TRIML1: variants seen among roughly 807,000 people sequenced by gnomAD.
The protein encoded by TRIML1 is probable E3 ubiquitin-protein ligase TRIML1.
Under a neutral mutation model 32.3 loss-of-function variants are expected in TRIML1, and 34 were observed. The observed-to-expected ratio is 1.05, with a 90% CI of 0.80 to 1.40. The LOEUF (loss-of-function observed/expected upper bound fraction) is 1.40. Ranked by LOEUF, TRIML1 falls within the 40% of genes most tolerant of loss-of-function variation. The pLI is 0.00. For missense variants in TRIML1, 595 were observed against 574.9 expected (o/e 1.03, Z -0.36); for synonymous variants, 244 against 226.6 (o/e 1.08, Z -0.69).
chr4:188,137,802 G>A (rs933453544), upstream of TRIML1, among the ~76,000 whole-genome samples: 6 of 151,808 alleles, frequency 4.0e-5, no homozygotes, highest in East Asian at 1.9e-4. Flanking sequence ...TAGTAGAGAC[G>A]GAGTTTCACC....
At position 188,139,493 on chromosome 4, in the gene TRIML1, G is replaced by C. The variant is rs1036156661; in HGVS notation, c.-66G>C. Reference sequence around the variant, plus strand: ...CGCGTGTTACTCAAAACTGTAGGACGGCAGTGAGGGCTTTGCTAATCCCAG... The same window carrying C: ...CGCGTGTTACTCAAAACTGTAGGACCGCAGTGAGGGCTTTGCTAATCCCAG... On this transcript the variant is annotated 5_prime_UTR_variant, in exon 1 of 6. Transcript: ENST00000332517. The C allele has an allele frequency of 1.1e-5, 17 of 1,480,246 alleles. No individual in the cohort carries two copies. The African/African-American group carries it at 1.8e-4, about 16-fold the overall frequency. 91.7% of individuals were successfully genotyped at this position (1,480,246 alleles called of 1,614,324 possible). A position where few individuals can be genotyped will look rare whatever the true frequency, so the allele number is the denominator to read the frequency against.
downstream of TRIML1, among the ~76,000 whole-genome samples, chr4:188,148,182 A>G (rs1053606484): frequency 1.2e-4 from 19 of 152,088 alleles, no homozygotes; most frequent in Non-Finnish European, 2.8e-4. Flanking sequence ...CAAAGAGCCT[A>G]CCCTCTTCTT....
intron 3 of TRIML1, 60 bp from the exon 4 acceptor site, chr4:188,143,778 A>T: frequency 1.2e-6 from 2 of 1,602,220 alleles, no homozygotes; most frequent in Non-Finnish European, 1.7e-6. Context: ...ATGCAAAATG[A>T]ATTTCGTCTG....
At chr4:188,146,584 A>AT (rs1735088413) in intron 5 of TRIML1, among the ~76,000 whole-genome samples, 2 of 152,054 alleles carry the variant, frequency 1.3e-5, no homozygotes, top group Admixed American at 1.3e-4. Context: ...TATGTTTTGT[A>AT]TTTTTAGTAG....
At chr4:188,137,707 C>T (rs1054653103), upstream of TRIML1, among the ~76,000 whole-genome samples, 2 of 150,792 alleles carry the variant, frequency 1.3e-5, no homozygotes, top group Non-Finnish European at 3.0e-5. Flanking sequence ...GAACTCCCGA[C>T]CTCAAGTGAT....
intron 3 of TRIML1, 104 bp downstream of exon 3, chr4:188,142,586 C>G (rs1264333545): frequency 1.1e-6 from 1 of 914,576 alleles, no homozygotes; most frequent in Non-Finnish European, 1.6e-6. Context: ...AAACTAAGTT[C>G]TGGTCCAAAA....
intron 5 of TRIML1, among the ~76,000 whole-genome samples, chr4:188,146,034 T>A (rs1349448649): frequency 6.6e-6 from 1 of 152,196 alleles, no homozygotes; most frequent in African/African-American, 2.4e-5. Flanking sequence ...CTGAACCTGT[T>A]TTCTTTTTTG....
At chr4:188,139,388 G>T, upstream of TRIML1, 1 of 632,022 alleles carries the variant, frequency 1.6e-6, no homozygotes, top group Non-Finnish European at 2.6e-6. Flanking sequence ...GCTTTGTGTT[G>T]GACAGTGTAT....
At chr4:188,150,134 A>G (rs1158206469), downstream of TRIML1, among the ~76,000 whole-genome samples, 1 of 149,292 alleles carries the variant, frequency 6.7e-6, no homozygotes, top group East Asian at 2.0e-4. Flanking sequence ...AATTATTATT[A>G]TTATTTTTTG....
chr4:188,138,829 C>CAG (rs1734744044), upstream of TRIML1, among the ~76,000 whole-genome samples: 1 of 152,022 alleles, frequency 6.6e-6, no homozygotes, highest in East Asian at 1.9e-4. Flanking sequence ...TCCAAGATGG[C>CAG]AGATGGGTGA....
downstream of TRIML1, among the ~76,000 whole-genome samples, chr4:188,148,941 T>A (rs546268357): frequency 1.1e-4 from 14 of 126,254 alleles, no homozygotes; most frequent in Non-Finnish European, 4.8e-5. Context: ...GACGGAGTAG[T>A]CTTGCTCTGT....
At chr4:188,143,706 C>A (rs62351463) in intron 3 of TRIML1, 132 bp from the exon 4 acceptor site, 80,763 of 1,076,276 alleles carry the variant, frequency 0.075, 3,548 homozygotes, top group East Asian at 0.21. Context: ...TCTCTGCTCT[C>A]TGTGCTCCCA....
upstream of TRIML1, among the ~76,000 whole-genome samples, chr4:188,138,255 A>G (rs1277710232): frequency 6.6e-6 from 1 of 152,184 alleles, no homozygotes; most frequent in Non-Finnish European, 1.5e-5. Context: ...GTTCAAGATA[A>G]GAAAACATCC....
At chr4:188,150,199 C>A (rs1276612144), downstream of TRIML1, among the ~76,000 whole-genome samples, 1 of 151,806 alleles carries the variant, frequency 6.6e-6, no homozygotes, top group African/African-American at 2.4e-5. Flanking sequence ...GATCTCGGCT[C>A]ACTGCAGCCT....
chr4:188,150,581 A>T (rs1242979704), downstream of TRIML1, among the ~76,000 whole-genome samples: 1 of 152,180 alleles, frequency 6.6e-6, no homozygotes, highest in African/African-American at 2.4e-5. Flanking sequence ...ATACAAAAGT[A>T]ATACATTTTA....
Position 188,139,463 on chromosome 4 carries a change from T to A in TRIML1, c.-96T>A. 1.6e-6 allele frequency: 2 copies of A among 1,243,080 alleles called. No homozygotes were observed. Among genetic ancestry groups the A allele is most frequent in the Non-Finnish European group, 2.2e-6 (2 of 893,454 alleles). 77.0% of individuals were successfully genotyped at this position (1,243,080 alleles called of 1,614,324 possible). Reference sequence around the variant, plus strand: ...CTTGTCATAACAACATAGGAACAGGTCACCCGCGTGTTACTCAAAACTGTA... The same window carrying A: ...CTTGTCATAACAACATAGGAACAGGACACCCGCGTGTTACTCAAAACTGTA... On this transcript the variant is annotated 5_prime_UTR_variant, in exon 1 of 6. Transcript: ENST00000332517.
At chr4:188,143,525 C>T in intron 3 of TRIML1, 2 of 386,508 alleles carry the variant, frequency 5.2e-6, no homozygotes, top group South Asian at 2.5e-5. Flanking sequence ...CCTTTGTTAT[C>T]TCTGCCTCTC....
chr4:188,140,444 G>A (rs1734810084), intron 1 of TRIML1, 84 bp from the exon 2 acceptor site: 5 of 1,099,382 alleles, frequency 4.5e-6, no homozygotes, highest in Non-Finnish European at 7.0e-6. Context: ...TAGAGGCCTA[G>A]GACTGCGCAG....
At chr4:188,144,460 T>G (rs1734986058) in intron 5 of TRIML1, among the ~76,000 whole-genome samples, 1 of 147,272 alleles carries the variant, frequency 6.8e-6, no homozygotes, top group African/African-American at 2.5e-5. Flanking sequence ...CTTCCCGGGT[T>G]CACGCCATTC....
Sources: gnomAD v4.1 joint callset for allele counts (sites outside exome capture counted in the v4.1 genomes callset) on GRCh38, gnomAD v4.1.1 for gene constraint, MANE v1.5 for transcripts, NCBI Gene and HGNC (gene_info 2026-07-23, HGNC 2026-07-21) for gene names.